FKTN: variants seen among roughly 807,000 people sequenced by gnomAD.
FKTN encodes the protein fukutin, also known as ribitol-5-phosphate transferase FKTN.
Under a neutral mutation model 58.6 loss-of-function variants are expected in FKTN, and 47 were observed. That is an observed-to-expected ratio of 0.80 (90% CI 0.63 to 1.02). FKTN has a LOEUF of 1.02. FKTN is among the 50% of genes least tolerant of loss of function. The pLI is 0.00. For missense variants in FKTN, 516 were observed against 537.3 expected (o/e 0.96, Z 0.39); for synonymous variants, 178 against 191.9 (o/e 0.93, Z 0.60).
At chr9:105,570,142 C>A (rs1564202149) in intron 1 of FKTN, among the ~76,000 whole-genome samples, 1 of 148,188 alleles carries the variant, frequency 6.7e-6, no homozygotes, top group Non-Finnish European at 1.5e-5. Context: ...TTTTAAAAAT[C>A]TTTTTTTTTT....
chr9:105,616,742 G>C (rs1183064167), intron 8 of FKTN, among the ~76,000 whole-genome samples: 1 of 152,134 alleles, frequency 6.6e-6, no homozygotes, highest in African/African-American at 2.4e-5. Flanking sequence ...CAAGAGACTT[G>C]AGAGTGAAAG....
In FKTN at chr9:105,640,514, T is replaced by C. The variant is rs893853011; in HGVS notation, c.*5250T>C. The C allele has an allele frequency of 1.3e-5, 2 of 159,508 alleles. No individual in the cohort carries two copies. Among genetic ancestry groups the C allele is most frequent in the African/African-American group, 4.8e-5 (2 of 41,484 alleles). The allele number at this position is 159,508 out of a possible 1,614,324, so 9.9% of individuals were successfully genotyped here. ...TCTGCAGTGAGCCAAGATCGCGGCATTGCACTTCAGCCTGGGCGATAGAGC... is the reference window on the plus strand; with the variant it reads ...TCTGCAGTGAGCCAAGATCGCGGCACTGCACTTCAGCCTGGGCGATAGAGC... On this transcript the variant is annotated 3_prime_UTR_variant, in exon 11 of 11. Coordinates refer to ENST00000357998, the MANE Select transcript of FKTN (RefSeq NM_001079802.2).
intron 4 of FKTN, chr9:105,598,115 G>C: frequency 2.1e-6 from 1 of 468,060 alleles, no homozygotes; most frequent in South Asian, 1.6e-5. Context: ...AGAAAATAAT[G>C]GATTTTTTTC....
At chr9:105,595,231 T>C (rs74307301) in intron 3 of FKTN, among the ~76,000 whole-genome samples, 45,837 of 152,008 alleles carry the variant, frequency 0.3, 7,114 homozygotes, top group Non-Finnish European at 0.32. Context: ...GTGATTAAAA[T>C]ATTCTGGAAT....
chr9:105,605,599 G>T (rs1314973847), intron 6 of FKTN, among the ~76,000 whole-genome samples: 5 of 152,124 alleles, frequency 3.3e-5, no homozygotes, highest in African/African-American at 1.2e-4. Flanking sequence ...AACATGGATA[G>T]AACTGGAGAT....
At chr9:105,609,528 T>C (rs910566850) in intron 7 of FKTN, among the ~76,000 whole-genome samples, 1 of 152,176 alleles carries the variant, frequency 6.6e-6, no homozygotes, top group African/African-American at 2.4e-5. Context: ...ACCTTTGTAA[T>C]AAAAAGATTC....
chr9:105,567,381 T>C (rs1277403371), intron 1 of FKTN, among the ~76,000 whole-genome samples: 2 of 152,180 alleles, frequency 1.3e-5, no homozygotes, highest in Non-Finnish European at 2.9e-5. Context: ...GATGACATGA[T>C]TGTATATCTA....
chr9:105,632,419 TA>T (rs11399147), intron 10 of FKTN, among the ~76,000 whole-genome samples: 75 of 142,894 alleles, frequency 5.2e-4, no homozygotes, highest in Middle Eastern at 3.7e-3. Flanking sequence ...AAAAGTATAA[TA>T]AAAAAAAATA....
chr9:105,577,882 C>CACAT (rs1366228015), intron 3 of FKTN, among the ~76,000 whole-genome samples: 7 of 150,594 alleles, frequency 4.6e-5, no homozygotes, highest in African/African-American at 1.7e-4. Context: ...AGAGGTCCTT[C>CACAT]ACATCCCTTG....
chr9:105,604,358 C>T lies in FKTN; in HGVS notation c.513C>T (p.Ile171=), dbSNP rs1032993919. The T allele has an allele frequency of 1.2e-6, 2 of 1,614,014 alleles. No individual in the cohort carries two copies. Among genetic ancestry groups the T allele is most frequent in the African/African-American group, 2.7e-5 (2 of 74,934 alleles). The change falls in exon 6 of 11, where the codon ATC becomes ATT. Residue 171 remains isoleucine (I), a synonymous_variant. Coordinates refer to ENST00000357998, the MANE Select transcript of FKTN (RefSeq NM_001079802.2). ...HYICKLATHA[I]HLVVFHERSG... ...TCTGCAAACTGGCCACTCATGCGAT[C>T]CACTTGGTAGTCTTTCATGAGAGGA...
intron 3 of FKTN, among the ~76,000 whole-genome samples, chr9:105,583,540 C>G (rs1443234276): frequency 1.3e-5 from 2 of 152,106 alleles, no homozygotes; most frequent in Admixed American, 6.6e-5. Flanking sequence ...TTATTTGTGT[C>G]TTTCATATAT....
chr9:105,635,742 A>G lies in FKTN; in HGVS notation c.*478A>G, dbSNP rs961189535. ...CTTTTAAGATTGTGGAGTCTGAGTT[A>G]ATATTCAAGTGATCAGACTTTGAGT... On this transcript the variant is annotated 3_prime_UTR_variant, in exon 11 of 11. Coordinates refer to ENST00000357998, the MANE Select transcript of FKTN (RefSeq NM_001079802.2). 1 of 1,015,402 alleles carries G rather than the reference A, an allele frequency of 9.8e-7. No homozygotes were observed. The allele number at this position is 1,015,402 out of a possible 1,614,324, so 62.9% of individuals were successfully genotyped here.
In FKTN at chr9:105,582,247, A is replaced by G. The variant is rs138112334; in HGVS notation, c.105+7110A>G. ...CGCTTCGTCACCCAGGCTGAAGTAC[A>G]GTGGCATAATCATAGCTCACTGTAA... On this transcript the variant is annotated intron_variant, in intron 3 of 10. Coordinates refer to ENST00000357998, the MANE Select transcript of FKTN (RefSeq NM_001079802.2). Among the ~76,000 whole-genome samples the G allele has an allele frequency of 3.4e-3, 503 of 148,092 alleles. 3 individuals carry two copies. Among genetic ancestry groups the G allele is most frequent in the African/African-American group, 0.012 (472 of 40,172 alleles).
chr9:105,591,883 C>G (rs1844940546), intron 3 of FKTN, among the ~76,000 whole-genome samples: 1 of 152,256 alleles, frequency 6.6e-6, no homozygotes, highest in Admixed American at 6.5e-5. Flanking sequence ...AGCCTCAACT[C>G]TTGCACTGTG....
chr9:105,581,240 G>A (rs10816280), intron 3 of FKTN, among the ~76,000 whole-genome samples: 20,233 of 147,888 alleles, frequency 0.14, 1,537 homozygotes, highest in Admixed American at 0.22. Context: ...GAGGAGAGGC[G>A]CTCTGCGTTT....
chr9:105,559,191 G>T (rs971472919), intron 1 of FKTN, among the ~76,000 whole-genome samples: 6 of 152,224 alleles, frequency 3.9e-5, no homozygotes, highest in African/African-American at 1.4e-4. Context: ...AAGTGATTTA[G>T]ATCGTAGAGT....
chr9:105,594,149 A>G (rs1826301877), intron 3 of FKTN, among the ~76,000 whole-genome samples: 1 of 152,222 alleles, frequency 6.6e-6, no homozygotes, highest in Non-Finnish European at 1.5e-5. Context: ...GATTTAGTGC[A>G]TAAGTGGAGA....
chr9:105,590,628 TG>T (rs1421956252), intron 3 of FKTN, among the ~76,000 whole-genome samples: 1 of 152,186 alleles, frequency 6.6e-6, no homozygotes, highest in East Asian at 1.9e-4. Context: ...CTAGTATTTT[TG>T]TCCTAAGTAA....
In FKTN at chr9:105,615,317, C is replaced by T. The variant is rs558187116; in HGVS notation, c.820C>T (p.Arg274Trp). Residue 274 changes from arginine (R) to tryptophan (W), a missense_variant, in exon 8 of 11, where the codon CGG becomes TGG. Physicochemically the swap from Arg to Trp is moderately radical, Grantham distance 101. Coordinates refer to ENST00000357998, the MANE Select transcript of FKTN (RefSeq NM_001079802.2). ...TAACACTGTGGAAGCTGTGGCCTTT[C>T]GGAAGAGTGCAAAGGAATTACTGCA... ...DDNTVEAVAF[R>W]KSAKELLQLA... 55 of 1,613,716 alleles carry T rather than the reference C, an allele frequency of 3.4e-5. No individual in the cohort carries two copies. Among genetic ancestry groups the T allele is most frequent in the South Asian group, 2.9e-4 (26 of 91,088 alleles).
Sources: allele counts gnomAD v4.1 joint callset (sites outside exome capture counted in the v4.1 genomes callset), GRCh38; gene constraint gnomAD v4.1.1; transcripts MANE v1.5; gene names NCBI Gene and HGNC (gene_info 2026-07-23, HGNC 2026-07-21).